Variants in CFAP20DC observed in about 807,000 individuals in gnomAD.
CFAP20DC encodes CFAP20 domain containing.
CFAP20DC carries 84 observed loss-of-function variants against 101.7 expected under a neutral mutation model. That is an observed-to-expected ratio of 0.83 (90% CI 0.69 to 0.99). The LOEUF (loss-of-function observed/expected upper bound fraction) is 0.99, where lower values mean the gene tolerates loss of function less well. Among genes scored for constraint, CFAP20DC ranks in the 50% least tolerant of loss-of-function variants. The probability of loss-of-function intolerance (pLI) is 0.00; values close to 1 mark genes in which losing one functional copy is unlikely to be tolerated. For missense variants in CFAP20DC, 1,007 were observed against 970.3 expected, an observed-to-expected ratio of 1.04 and a Z score of -0.50; for synonymous variants, 359 against 351.2, an observed-to-expected ratio of 1.02 and a Z score of -0.25.
At chr3:58,883,826 G>A (rs2081397596) in intron 7 of CFAP20DC, among the ~76,000 whole-genome samples, 1 of 152,106 alleles carries the variant, frequency 6.6e-6, no homozygotes, top group Non-Finnish European at 1.5e-5. Context: ...TCTCTAACCT[G>A]TAAGGAGGTG....
Position 58,788,448 on chromosome 3 carries a change from G to A in CFAP20DC, c.2237+17947C>T, listed in dbSNP as rs557556101. Among the ~76,000 whole-genome samples, 3 of 152,206 alleles carry A rather than the reference G, an allele frequency of 2.0e-5. No homozygotes were observed. Among genetic ancestry groups the A allele is most frequent in the East Asian group, 3.9e-4 (2 of 5,178 alleles). On this transcript the variant is annotated intron_variant, in intron 15 of 16. Coordinates refer to ENST00000482387, the MANE Select transcript of CFAP20DC (RefSeq NM_001394063.1). The surrounding 1 kb of genome is among the most constrained non-coding windows in gnomAD (Gnocchi z 4.2). ...AATGGGGAGCAAATGGGGAATCAACGAGAAAAATTTCTTACCTTTAGTTTA... is the reference window on the plus strand; with the variant it reads ...AATGGGGAGCAAATGGGGAATCAACAAGAAAAATTTCTTACCTTTAGTTTA...
intron 14 of CFAP20DC, among the ~76,000 whole-genome samples, chr3:58,829,916 A>T (rs938766347): frequency 6.6e-6 from 1 of 152,132 alleles, no homozygotes; most frequent in Non-Finnish European, 1.5e-5. Context: ...TCTCTTTCTT[A>T]CTTGCAGTTT....
Position 58,732,268 on chromosome 3 carries a change from T to C in CFAP20DC, c.198-14640A>G, listed in dbSNP as rs928120578. The stretch of plus-strand genomic sequence containing the variant: ...AATTTCTCATTGATATAGAAACTGA[T>C]GGTATTTGTCAAATTCAGCTCAGTA... On this transcript the variant is annotated intron_variant, in intron 3 of 3. Transcript: ENST00000486145. This position sits in a 1 kb window ranked among gnomAD's most constrained non-coding sequence, Gnocchi z 5.4. 2.6e-5 allele frequency among the ~76,000 whole-genome samples: 4 copies of C among 152,206 alleles called. No individual in the cohort carries two copies. Among genetic ancestry groups the C allele is most frequent in the African/African-American group, 7.2e-5 (3 of 41,456 alleles).
At chr3:58,924,100 A>G (rs1228399629) in intron 5 of CFAP20DC, among the ~76,000 whole-genome samples, 1 of 152,118 alleles carries the variant, frequency 6.6e-6, no homozygotes, top group Non-Finnish European at 1.5e-5. Context: ...AAAATTATAG[A>G]TTAAGGGGTA....
chr3:59,001,688 G>C lies in CFAP20DC; in HGVS notation c.278+37869C>G, dbSNP rs1576661375. 6.6e-6 allele frequency among the ~76,000 whole-genome samples: 1 copy of C among 152,314 alleles called. No individual in the cohort carries two copies. Among genetic ancestry groups the C allele is most frequent in the East Asian group, 1.9e-4 (1 of 5,184 alleles). On this transcript the variant is annotated intron_variant, in intron 4 of 16. Coordinates refer to ENST00000482387, the MANE Select transcript of CFAP20DC (RefSeq NM_001394063.1). This position sits in a 1 kb window ranked among gnomAD's most constrained non-coding sequence, Gnocchi z 4.5. ...GGCCTCCCAAAGTGCTGGGGTTACAGGTGTGAGCCACTGTGCCGGGATTAC... is the reference window on the plus strand; with the variant it reads ...GGCCTCCCAAAGTGCTGGGGTTACACGTGTGAGCCACTGTGCCGGGATTAC...
intron 4 of CFAP20DC, among the ~76,000 whole-genome samples, chr3:58,945,765 C>T (rs1396496288): frequency 2.0e-5 from 3 of 149,494 alleles, no homozygotes; most frequent in Middle Eastern, 3.5e-3. Flanking sequence ...GGCGCGATGT[C>T]GGCTCACTGC....
chr3:58,850,935 A>G (rs981044018), intron 12 of CFAP20DC, among the ~76,000 whole-genome samples: 6 of 152,166 alleles, frequency 3.9e-5, no homozygotes, highest in Non-Finnish European at 7.3e-5. Flanking sequence ...GTCTCCGGTG[A>G]AATCTTCCTT....
At chr3:58,973,347 T>C (rs2092066002) in intron 4 of CFAP20DC, among the ~76,000 whole-genome samples, 1 of 152,240 alleles carries the variant, frequency 6.6e-6, no homozygotes, top group Admixed American at 6.5e-5. Context: ...CACATTTCTG[T>C]GCTAAAAGTT....
At chr3:58,982,227 T>C (rs1431670133) in intron 4 of CFAP20DC, among the ~76,000 whole-genome samples, 1 of 152,154 alleles carries the variant, frequency 6.6e-6, no homozygotes, top group African/African-American at 2.4e-5. Flanking sequence ...GGAGAGGATG[T>C]GGAGAAATAG....
At chr3:59,008,019 T>A (rs2093479108) in intron 4 of CFAP20DC, among the ~76,000 whole-genome samples, 1 of 152,156 alleles carries the variant, frequency 6.6e-6, no homozygotes. Flanking sequence ...AGGGTCCTTG[T>A]TCCCCCCAGC....
chr3:58,987,132 A>G (rs1381160245), intron 4 of CFAP20DC, among the ~76,000 whole-genome samples: 1 of 152,156 alleles, frequency 6.6e-6, no homozygotes, highest in Non-Finnish European at 1.5e-5. Context: ...AATGGAACAC[A>G]GAGAGATAAA....
intron 12 of CFAP20DC, among the ~76,000 whole-genome samples, chr3:58,853,400 G>C (rs1215649130): frequency 6.6e-6 from 1 of 152,142 alleles, no homozygotes; most frequent in Non-Finnish European, 1.5e-5. Flanking sequence ...AATTCTACCA[G>C]AGGTACAAGG....
intron 5 of CFAP20DC, among the ~76,000 whole-genome samples, chr3:58,931,652 C>CGAGG (rs1344610957): frequency 6.6e-6 from 1 of 152,196 alleles, no homozygotes; most frequent in Non-Finnish European, 1.5e-5. Context: ...CTGCGGATAC[C>CGAGG]CAGGCAAATA....
chr3:59,011,193 C>T (rs9865462), intron 4 of CFAP20DC, among the ~76,000 whole-genome samples: 12,397 of 152,088 alleles, frequency 0.082, 1,631 homozygotes, highest in African/African-American at 0.28. Context: ...AGGTCAGTAG[C>T]TCAAAACCAG....
chr3:58,785,863 G>C (rs905188872), intron 15 of CFAP20DC, among the ~76,000 whole-genome samples: 5 of 151,672 alleles, frequency 3.3e-5, no homozygotes, highest in African/African-American at 1.2e-4. Flanking sequence ...CTTTACTGGA[G>C]ACAACTCTAG....
At chr3:58,948,910 T>A (rs1298392010) in intron 4 of CFAP20DC, among the ~76,000 whole-genome samples, 2 of 152,078 alleles carry the variant, frequency 1.3e-5, no homozygotes, top group African/African-American at 2.4e-5. Context: ...CTGTGAATCC[T>A]TCTGGTCCTG....
chr3:58,842,823 G>C (rs188835950), intron 13 of CFAP20DC, among the ~76,000 whole-genome samples: 19 of 152,326 alleles, frequency 1.2e-4, no homozygotes, highest in South Asian at 4.1e-4. Flanking sequence ...TCTGACAACC[G>C]GCAGACTGCC....
intron 15 of CFAP20DC, among the ~76,000 whole-genome samples, chr3:58,762,395 T>G (rs908166970): frequency 8.5e-5 from 13 of 152,176 alleles, no homozygotes; most frequent in African/African-American, 3.1e-4. Context: ...GCTTGGTAGA[T>G]CTCCCTCCAT....
intron 15 of CFAP20DC, among the ~76,000 whole-genome samples, chr3:58,757,023 C>T (rs1312785226): frequency 2.6e-5 from 4 of 152,030 alleles, no homozygotes; most frequent in African/African-American, 9.6e-5. Flanking sequence ...AATGAATAAC[C>T]TTGGGTATGT....
Sources: gnomAD v4.1 joint callset for allele counts (sites outside exome capture counted in the v4.1 genomes callset) on GRCh38, gnomAD v4.1.1 for gene constraint, Gnocchi (gnomAD v3.1) non-coding constraint, MANE v1.5 for transcripts, NCBI Gene and HGNC (gene_info 2026-07-23, HGNC 2026-07-21) for gene names.